The following MCF2L variants were observed in gnomAD, a reference collection of about 807,000 sequenced individuals.
The protein encoded by MCF2L is MCF.2 cell line derived transforming sequence like.
Under a neutral mutation model 153.4 loss-of-function variants are expected in MCF2L, and 97 were observed. That is an observed-to-expected ratio of 0.63 (90% CI 0.54 to 0.75). The LOEUF (loss-of-function observed/expected upper bound fraction) is 0.75. Ranked by LOEUF, MCF2L falls within the 30% of genes least tolerant of loss-of-function variation. MCF2L has a pLI of 0.00. For missense variants in MCF2L, 1,347 were observed against 1,495.2 expected, an observed-to-expected ratio of 0.90 and a Z score of 1.64; for synonymous variants, 659 against 632.2, an observed-to-expected ratio of 1.04 and a Z score of -0.64.
chr13:113,007,670 C>T (rs867206508), intron 1 of MCF2L, among the ~76,000 whole-genome samples: 48 of 152,308 alleles, frequency 3.2e-4, no homozygotes, highest in African/African-American at 1.0e-3. Context: ...ACTGTGCAAA[C>T]GCGGTTCGGC....
chr13:113,047,933 C>T (rs540466764), intron 4 of MCF2L, among the ~76,000 whole-genome samples: 9 of 152,374 alleles, frequency 5.9e-5, no homozygotes, highest in Non-Finnish European at 1.0e-4. Flanking sequence ...CCTCGCTACG[C>T]GTGCCCCAGT....
rs183179843 is a variant in MCF2L at position 112,991,093 on chromosome 13, A to G, written c.79+21635A>G. 2.6e-5 allele frequency among the ~76,000 whole-genome samples: 4 copies of G among 152,292 alleles called. No individual in the cohort carries two copies. In the East Asian group the frequency reaches 7.7e-4, roughly 29 times the overall value. On this transcript the variant is annotated intron_variant, in intron 1 of 29. Coordinates refer to ENST00000535094, the MANE Select transcript of MCF2L (RefSeq NM_001112732.3). ...GGTCCAGCTGCTCTGTGGGGCCTGC[A>G]GGAGGGGACGGGACAGGAGCTCTCC...
intron 3 of MCF2L, among the ~76,000 whole-genome samples, chr13:113,036,610 G>A (rs545792312): frequency 7.9e-5 from 12 of 152,362 alleles, no homozygotes; most frequent in Non-Finnish European, 5.9e-5. Context: ...ACCCACAGAA[G>A]GACGCGCTGT....
intron 4 of MCF2L, among the ~76,000 whole-genome samples, chr13:113,049,352 T>G (rs1015188336): frequency 0.026 from 1,160 of 44,432 alleles, 12 homozygotes; most frequent in Non-Finnish European, 0.023. Context: ...AAGGGGTGGG[T>G]GGTGGGGCTG....
chr13:112,898,056 CT>C (rs373077438), intron 1 of MCF2L, among the ~76,000 whole-genome samples: 56 of 152,364 alleles, frequency 3.7e-4, no homozygotes, highest in African/African-American at 1.2e-3. Flanking sequence ...CCAGCTCCCC[CT>C]GTCCTAGGGC....
chr13:113,027,099 G>A lies in MCF2L; in HGVS notation c.278+2341G>A. The A allele has an allele frequency of 1.4e-6, 1 of 735,256 alleles. No homozygotes were observed. Among genetic ancestry groups the A allele is most frequent in the Non-Finnish European group, 2.5e-6 (1 of 402,028 alleles). 45.5% of individuals were successfully genotyped at this position (735,256 alleles called of 1,614,324 possible). A position where few individuals can be genotyped will look rare whatever the true frequency, so the allele number is the denominator to read the frequency against. ...CATCTGTATCCCGCACATTACATAA[G>A]GTGGCAAAACACAGAGGAGATGTTT... On this transcript the variant is annotated intron_variant, in intron 3 of 29. Transcript: ENST00000535094. This position sits in a 1 kb window ranked among gnomAD's most constrained non-coding sequence, Gnocchi z 4.8.
intron 15 of MCF2L, among the ~76,000 whole-genome samples, chr13:113,080,378 C>T (rs61966404): frequency 0.17 from 25,519 of 152,104 alleles, 2,616 homozygotes; most frequent in East Asian, 0.45. Context: ...GAGTGGCCCT[C>T]GGCTGGCAGT....
At position 113,099,630 on chromosome 13, in the gene MCF2L, A is replaced by T. The variant is rs1209305661; in HGVS notation, c.*2771A>T. Reference sequence around the variant, plus strand: ...GACAGTTGAGAAAAGAGAATAACAAAATCAAAAGCAAAACTCAAACTTTGT... The same window carrying T: ...GACAGTTGAGAAAAGAGAATAACAATATCAAAAGCAAAACTCAAACTTTGT... On this transcript the variant is annotated 3_prime_UTR_variant, in exon 30 of 30. Transcript: ENST00000535094. 1 of 152,220 alleles carries T rather than the reference A, an allele frequency of 6.6e-6. No homozygotes were observed. The highest frequency in any genetic ancestry group is 1.5e-5 in the Non-Finnish European group (1 of 68,032). The allele number at this position is 152,220 out of a possible 1,614,324, so 9.4% of individuals were successfully genotyped here. A position where few individuals can be genotyped will look rare whatever the true frequency, so the allele number is the denominator to read the frequency against.
chr13:112,909,632 T>G, intron 2 of MCF2L: 1 of 271,090 alleles, frequency 3.7e-6, no homozygotes, highest in Non-Finnish European at 7.1e-6. Flanking sequence ...TGAAGAGGGT[T>G]GTTTTGTTTT....
intron 2 of MCF2L, among the ~76,000 whole-genome samples, chr13:112,944,061 G>C (rs4907472): frequency 0.26 from 37,601 of 144,446 alleles, 5,344 homozygotes; most frequent in East Asian, 0.59. Context: ...CCCTGGCTGT[G>C]GGGGGAGCGT....
At chr13:112,953,886 C>T (rs548057412) in intron 2 of MCF2L, among the ~76,000 whole-genome samples, 5 of 152,342 alleles carry the variant, frequency 3.3e-5, no homozygotes, top group Middle Eastern at 3.4e-3. Context: ...CTGCTGTGGG[C>T]ACTCGCTGCC....
intron 2 of MCF2L, chr13:112,909,331 A>C (rs1594307781): frequency 1.3e-6 from 1 of 779,020 alleles, no homozygotes; most frequent in Admixed American, 1.7e-5. Flanking sequence ...TACATCCTTC[A>C]CCTCTGTGTC....
At chr13:113,095,680 C>T in intron 27 of MCF2L, 1 of 991,598 alleles carries the variant, frequency 1.0e-6, no homozygotes. Flanking sequence ...GCAGGTGGCC[C>T]AGTCACCGTC....
intron 28 of MCF2L, 26 bp downstream of exon 28, chr13:113,096,509 C>G (rs373247953): frequency 1.9e-6 from 3 of 1,581,846 alleles, no homozygotes; most frequent in African/African-American, 2.7e-5. Context: ...CAGCCCCGGA[C>G]TGCCCCGCAC....
At position 113,082,555 on chromosome 13, in the gene MCF2L, C is replaced by A; in HGVS notation, c.1991+13C>A. On this transcript the variant is annotated intron_variant, in intron 17 of 29. Transcript: ENST00000535094. ...ACTTCCACAACAGGTGGGCCCTTCC[C>A]CCCGACACAGGCACGCACCCGTGAT... 2 of 1,557,728 alleles carry A rather than the reference C, an allele frequency of 1.3e-6. No individual in the cohort carries two copies. Among genetic ancestry groups the A allele is most frequent in the South Asian group, 1.1e-5 (1 of 89,474 alleles).
intron 1 of MCF2L, among the ~76,000 whole-genome samples, chr13:112,973,974 G>A (rs1468424902): frequency 1.3e-5 from 2 of 152,110 alleles, no homozygotes; most frequent in African/African-American, 4.8e-5. Context: ...GCGTCTTCCT[G>A]ATCTCCGTCT....
At chr13:112,974,001 C>T (rs867635514) in intron 1 of MCF2L, among the ~76,000 whole-genome samples, 5 of 152,296 alleles carry the variant, frequency 3.3e-5, no homozygotes, top group Middle Eastern at 3.4e-3. Context: ...CCGCTCCTGA[C>T]TCTTCCACTG....
intron 2 of MCF2L, chr13:112,909,477 C>A (rs542802404): frequency 1.2e-5 from 7 of 588,986 alleles, no homozygotes; most frequent in Admixed American, 2.8e-5. Flanking sequence ...GTCAGGAGCG[C>A]ACTTGGGAAG....
chr13:113,044,892 T>C (rs1395437464), intron 3 of MCF2L: 1 of 1,612,878 alleles, frequency 6.2e-7, no homozygotes, highest in South Asian at 1.1e-5. Flanking sequence ...GCGTGATGTA[T>C]GCGCCATAAG....
Sources: allele counts gnomAD v4.1 joint callset (sites outside exome capture counted in the v4.1 genomes callset), GRCh38; gene constraint gnomAD v4.1.1; non-coding constraint Gnocchi (gnomAD v3.1); transcripts MANE v1.5; gene names NCBI Gene and HGNC (gene_info 2026-07-23, HGNC 2026-07-21).